SLC9D1: variants seen among roughly 807,000 people sequenced by gnomAD.
SLC9D1 encodes putative LAG1-interacting protein.
the SLC9D1 span, among the ~76,000 whole-genome samples, chr13:113,509,837 G>A: frequency 6.6e-6 from 1 of 152,186 alleles, no homozygotes; most frequent in African/African-American, 2.4e-5. Flanking sequence ...GAGCCGCTTC[G>A]AATGCCGAGC....
At chr13:113,510,468 T>C in the SLC9D1 span, 1 of 1,569,706 alleles carries the variant, frequency 6.4e-7, no homozygotes, top group South Asian at 1.2e-5. Flanking sequence ...TTCATGCTCG[T>C]GTGTAGGTGA....
chr13:113,509,387 T>C, the SLC9D1 span, among the ~76,000 whole-genome samples: 7,141 of 89,230 alleles, frequency 0.08, 336 homozygotes, highest in African/African-American at 0.17. Context: ...GGGTGGGTCC[T>C]CTGGAGCTGC....
At chr13:113,549,313 C>G in the SLC9D1 span, 2 of 1,233,124 alleles carry the variant, frequency 1.6e-6, no homozygotes, top group African/African-American at 3.0e-5. Context: ...AGCCTCAGGA[C>G]TCTAGCTTTG....
chr13:113,498,518 A>G, the SLC9D1 span: 59 of 1,582,278 alleles, frequency 3.7e-5, no homozygotes, highest in Admixed American at 1.2e-4. Flanking sequence ...ACGACAATAA[A>G]TCAGTAAGCG....
chr13:113,549,513 G>C, the SLC9D1 span: 24 of 1,614,042 alleles, frequency 1.5e-5, no homozygotes, highest in Admixed American at 4.0e-4. Flanking sequence ...TGTGTGCCCA[G>C]ACCGGAGAGA....
the SLC9D1 span, chr13:113,504,975 C>T: frequency 1.3e-5 from 2 of 152,122 alleles, no homozygotes; most frequent in Non-Finnish European, 2.9e-5. Context: ...AACATCTATT[C>T]TTTTCATTTT....
chr13:113,503,201 A>G, the SLC9D1 span, among the ~76,000 whole-genome samples: 1 of 152,252 alleles, frequency 6.6e-6, no homozygotes, highest in Non-Finnish European at 1.5e-5. Flanking sequence ...TGGGTAACAC[A>G]TACAACTGGA....
chr13:113,509,711 TGTATC>T, the SLC9D1 span, among the ~76,000 whole-genome samples: 1 of 152,234 alleles, frequency 6.6e-6, no homozygotes, highest in Non-Finnish European at 1.5e-5. Flanking sequence ...CTTTGGTTGA[TGTATC>T]GTATTTATGT....
At chr13:113,547,547 C>T in the SLC9D1 span, among the ~76,000 whole-genome samples, 1 of 152,122 alleles carries the variant, frequency 6.6e-6, no homozygotes, top group Non-Finnish European at 1.5e-5. Flanking sequence ...CAGATGTAGA[C>T]GAGGCTGGGC....
the SLC9D1 span, among the ~76,000 whole-genome samples, chr13:113,541,690 C>T: frequency 2.7e-4 from 12 of 45,120 alleles, no homozygotes; most frequent in African/African-American, 7.0e-4. Context: ...CGCACACGAT[C>T]GCTGATCACT....
the SLC9D1 span, chr13:113,534,488 C>T: frequency 3.9e-6 from 2 of 512,192 alleles, no homozygotes; most frequent in Non-Finnish European, 6.8e-6. Flanking sequence ...GTGAGTATTT[C>T]ATTAAAAACA....
the SLC9D1 span, chr13:113,503,724 T>C: frequency 1.7e-6 from 1 of 580,860 alleles, no homozygotes; most frequent in South Asian, 2.3e-5. Context: ...CGGTTTGATG[T>C]TATTTTTGGG....
At chr13:113,534,275 G>A in the SLC9D1 span, 377 of 1,463,182 alleles carry the variant, frequency 2.6e-4, no homozygotes, top group African/African-American at 3.7e-3. Context: ...TATGTAATCT[G>A]ATACATAATC....
At chr13:113,497,549 A>AC in the SLC9D1 span, among the ~76,000 whole-genome samples, 1 of 138,802 alleles carries the variant, frequency 7.2e-6, no homozygotes, top group African/African-American at 2.8e-5. Context: ...GCTGTGCGAG[A>AC]CTTGTAGCTG....
chr13:113,532,673 C>T, the SLC9D1 span, among the ~76,000 whole-genome samples: 1 of 152,004 alleles, frequency 6.6e-6, no homozygotes, highest in East Asian at 1.9e-4. Flanking sequence ...GCCTGGTCTG[C>T]TTGGCCGTGA....
chr13:113,509,306 T>C, the SLC9D1 span, among the ~76,000 whole-genome samples: 36 of 121,000 alleles, frequency 3.0e-4, 2 homozygotes, highest in Non-Finnish European at 5.3e-4. Flanking sequence ...TGGAGCTTCC[T>C]GTGTTAGGAT....
the SLC9D1 span, among the ~76,000 whole-genome samples, chr13:113,524,706 T>A: frequency 6.7e-6 from 1 of 150,140 alleles, no homozygotes; most frequent in Non-Finnish European, 1.5e-5. Flanking sequence ...ATAATATTAT[T>A]TTTTTTTTTG....
chr13:113,539,303 G>T, the SLC9D1 span: 2 of 1,577,556 alleles, frequency 1.3e-6, no homozygotes, highest in South Asian at 1.1e-5. The surrounding 1 kb of genome is among the most constrained non-coding windows in gnomAD (Gnocchi z 4.8). Flanking sequence ...TGGGATGGGG[G>T]TGACCCTGGT....
chr13:113,492,176 G>A, the SLC9D1 span, among the ~76,000 whole-genome samples: 1 of 152,260 alleles, frequency 6.6e-6, no homozygotes, highest in African/African-American at 2.4e-5. Flanking sequence ...GGGTCTTGCT[G>A]TGTTGCCCAG....
Sources: allele counts gnomAD v4.1 joint callset (sites outside exome capture counted in the v4.1 genomes callset), GRCh38; gene constraint gnomAD v4.1.1; non-coding constraint Gnocchi (gnomAD v3.1); transcripts MANE v1.5; gene names NCBI Gene and HGNC (gene_info 2026-07-23, HGNC 2026-07-21).